Variants in RICTOR observed in about 807,000 individuals in gnomAD.
The protein encoded by RICTOR is rapamycin-insensitive companion of mTOR.
Under a neutral mutation model 214.9 loss-of-function variants are expected in RICTOR, and 49 were observed. That is an observed-to-expected ratio of 0.23 (90% CI 0.18 to 0.29). The LOEUF (loss-of-function observed/expected upper bound fraction) is 0.29. RICTOR is among the 10% of genes least tolerant of loss of function. The pLI, the probability that RICTOR is intolerant of heterozygous loss-of-function variation, is 1.00. For missense variants in RICTOR, 1,625 were observed against 2,047.0 expected (o/e 0.79, Z 3.98); for synonymous variants, 717 against 711.3 (o/e 1.01, Z -0.13).
chr5:39,040,015 C>T (rs1367352590), intron 2 of RICTOR, among the ~76,000 whole-genome samples: 1 of 152,072 alleles, frequency 6.6e-6, no homozygotes, highest in Non-Finnish European at 1.5e-5. Flanking sequence ...GACACATGCA[C>T]ACGTATGTTT....
rs765083524 is a variant in RICTOR at position 38,975,618 on chromosome 5, G to T, written c.822-14C>A. 29 of 1,605,218 alleles carry T rather than the reference G, an allele frequency of 1.8e-5. No individual in the cohort carries two copies. The highest frequency in any genetic ancestry group is 2.4e-5 in the Non-Finnish European group (28 of 1,172,306). The stretch of plus-strand genomic sequence containing the variant: ...TCTCTGTCTTCTCTGTTGGGGGTGG[G>T]GAGGCAGCGGGGAGAATCAATGAAA... On this transcript the variant is annotated splice_polypyrimidine_tract_variant and intron_variant, in intron 9 of 37. Coordinates refer to ENST00000357387, the MANE Select transcript of RICTOR (RefSeq NM_152756.5).
chr5:39,019,762 T>G (rs1472597975), intron 3 of RICTOR, among the ~76,000 whole-genome samples: 1 of 152,174 alleles, frequency 6.6e-6, no homozygotes, highest in Non-Finnish European at 1.5e-5. Flanking sequence ...GGGAATAATT[T>G]TGATTTTCAA....
chr5:39,030,398 A>G (rs1200435777), intron 2 of RICTOR, among the ~76,000 whole-genome samples: 1 of 152,152 alleles, frequency 6.6e-6, no homozygotes, highest in African/African-American at 2.4e-5. Context: ...CTCAGAATAT[A>G]TTCCCCAACA....
At chr5:39,015,540 G>C (rs1009969921) in intron 3 of RICTOR, among the ~76,000 whole-genome samples, 1 of 151,762 alleles carries the variant, frequency 6.6e-6, no homozygotes, top group Non-Finnish European at 1.5e-5. Flanking sequence ...TTTGGGGTGG[G>C]GGTGCTACTG....
chr5:39,021,538 A>C (rs1473184730), intron 2 of RICTOR, among the ~76,000 whole-genome samples: 1 of 152,152 alleles, frequency 6.6e-6, no homozygotes, highest in African/African-American at 2.4e-5. Context: ...ATGGGTTAGC[A>C]TGAGAGTGAG....
chr5:38,991,125 T>C, intron 6 of RICTOR, 50 bp from the exon 7 acceptor site: 1 of 1,358,970 alleles, frequency 7.4e-7, no homozygotes. Flanking sequence ...ATACATTTCT[T>C]AAACCTATTT....
intron 12 of RICTOR, 74 bp downstream of exon 12, chr5:38,967,869 C>A: frequency 1.4e-6 from 1 of 727,360 alleles, no homozygotes; most frequent in South Asian, 1.8e-5. Context: ...TTTAGTATTT[C>A]TCCTTTTAGG....
At position 39,071,676 on chromosome 5, in the gene RICTOR, T is replaced by C. The variant is rs114137285; in HGVS notation, c.97+2435A>G. 7.9e-3 allele frequency among the ~76,000 whole-genome samples: 1,201 copies of C among 152,322 alleles called. 22 individuals are homozygous for C. Among genetic ancestry groups the C allele is most frequent in the African/African-American group, 0.028 (1,158 of 41,578 alleles). ...CAGCTGAGGTTACAATCCAGAATGA[T>C]TTGACTTTATAGTCAACTCTCTTTT... On this transcript the variant is annotated intron_variant, in intron 2 of 37. Coordinates refer to ENST00000357387, the MANE Select transcript of RICTOR (RefSeq NM_152756.5).
intron 11 of RICTOR, 106 bp from the exon 12 acceptor site, chr5:38,968,136 A>G: frequency 4.5e-6 from 3 of 666,556 alleles, no homozygotes; most frequent in Non-Finnish European, 5.5e-6. Flanking sequence ...AACTATTAAT[A>G]CAATGACATG....
chr5:39,036,513 C>T (rs1352925361), intron 2 of RICTOR, among the ~76,000 whole-genome samples: 2 of 152,180 alleles, frequency 1.3e-5, no homozygotes, highest in African/African-American at 4.8e-5. Context: ...TTAAAAGACA[C>T]AGACTGGCAA....
intron 2 of RICTOR, among the ~76,000 whole-genome samples, chr5:39,045,257 C>T (rs1399509060): frequency 6.6e-6 from 1 of 152,082 alleles, no homozygotes; most frequent in Admixed American, 6.5e-5. Context: ...AAATGACTAT[C>T]ATTCAAAGAA....
chr5:38,995,269 G>T (rs1366902594), intron 6 of RICTOR, among the ~76,000 whole-genome samples: 2 of 152,164 alleles, frequency 1.3e-5, no homozygotes, highest in Non-Finnish European at 2.9e-5. Context: ...GAAGCAACTT[G>T]GATGGAGCCG....
At chr5:39,041,020 T>G (rs1004790874) in intron 2 of RICTOR, among the ~76,000 whole-genome samples, 1 of 152,090 alleles carries the variant, frequency 6.6e-6, no homozygotes, top group Non-Finnish European at 1.5e-5. Flanking sequence ...ATAAGACAAG[T>G]TGAGAATAGG....
At chr5:39,033,517 C>T (rs1756422678) in intron 2 of RICTOR, among the ~76,000 whole-genome samples, 1 of 152,158 alleles carries the variant, frequency 6.6e-6, no homozygotes, top group African/African-American at 2.4e-5. Flanking sequence ...CCGTCTTGGC[C>T]TCCCAAAGTG....
chr5:38,957,051 C>T (rs143955754), intron 25 of RICTOR, among the ~76,000 whole-genome samples: 20 of 152,080 alleles, frequency 1.3e-4, no homozygotes, highest in African/African-American at 4.6e-4. Flanking sequence ...CATGGGTTTC[C>T]AAGATGCTTC....
At chr5:38,993,631 T>C (rs1355096712) in intron 6 of RICTOR, among the ~76,000 whole-genome samples, 1 of 152,036 alleles carries the variant, frequency 6.6e-6, no homozygotes, top group African/African-American at 2.4e-5. Flanking sequence ...TAAAATATAA[T>C]AGACATACTT....
At chr5:39,053,839 G>A (rs1157554702) in intron 2 of RICTOR, among the ~76,000 whole-genome samples, 2 of 142,540 alleles carry the variant, frequency 1.4e-5, no homozygotes, top group Non-Finnish European at 3.0e-5. Flanking sequence ...CCTGCAGTGA[G>A]CCGAGATTGC....
chr5:39,058,171 A>C (rs1209785187), intron 2 of RICTOR, among the ~76,000 whole-genome samples: 1 of 152,038 alleles, frequency 6.6e-6, no homozygotes, highest in East Asian at 1.9e-4. Flanking sequence ...ACTATTTCTT[A>C]GGGGGCAAAT....
rs554033375 is a variant in RICTOR, at chr5:38,977,674, C to G, written c.821+909G>C. On this transcript the variant is annotated intron_variant, in intron 9 of 37. Coordinates refer to ENST00000357387, the MANE Select transcript of RICTOR (RefSeq NM_152756.5). The stretch of plus-strand genomic sequence containing the variant: ...GCAGTGGTGTGATCTCAGCTCAATG[C>G]AAACTCCGCCTCCCAGGTTCAAGCA... 6.4e-4 allele frequency among the ~76,000 whole-genome samples: 89 copies of G among 140,080 alleles called. 1 individual carries two copies. The highest frequency in any genetic ancestry group is 2.3e-3 in the African/African-American group (86 of 37,614). The allele number at this position is 140,080 out of a possible 152,430, so 91.9% of individuals were successfully genotyped here.
Sources: gnomAD v4.1 joint callset for allele counts (sites outside exome capture counted in the v4.1 genomes callset) on GRCh38, gnomAD v4.1.1 for gene constraint, MANE v1.5 for transcripts, NCBI Gene and HGNC (gene_info 2026-07-23, HGNC 2026-07-21) for gene names.